The following LRP1 variants were observed in gnomAD, a reference collection of about 807,000 sequenced individuals.
The protein encoded by LRP1 is LDL receptor related protein 1, also known as prolow-density lipoprotein receptor-related protein 1.
Under a neutral mutation model 541.5 loss-of-function variants are expected in LRP1, and 51 were observed. The observed-to-expected ratio is 0.09, with a 90% CI of 0.08 to 0.12. The LOEUF is 0.12. Ranked by LOEUF, LRP1 falls within the 10% of genes least tolerant of loss-of-function variation. The probability of loss-of-function intolerance (pLI) is 1.00; values close to 1 mark genes in which losing one functional copy is unlikely to be tolerated. For missense variants in LRP1, 3,878 were observed against 6,376.2 expected, an observed-to-expected ratio of 0.61 and a Z score of 13.34; for synonymous variants, 2,219 against 2,470.8, an observed-to-expected ratio of 0.90 and a Z score of 3.02.
chr12:57,163,115 G>A, intron 15 of LRP1, 132 bp downstream of exon 15: 1 of 1,300,224 alleles, frequency 7.7e-7, no homozygotes, highest in South Asian at 1.6e-5. Context: ...GGGGCCAACA[G>A]GAAGCAAGGG....
intron 63 of LRP1, 81 bp downstream of exon 63, chr12:57,200,616 G>A (rs562361619): frequency 6.5e-7 from 1 of 1,546,718 alleles, no homozygotes; most frequent in East Asian, 2.2e-5. Context: ...GGCCACTGGA[G>A]AGGCTGGGGC....
Position 57,197,643 on chromosome 12 carries a change from C to G in LRP1, c.9261C>G (p.His3087Gln). 1 of 1,614,016 alleles carries G rather than the reference C, an allele frequency of 6.2e-7. No individual in the cohort carries two copies. The highest frequency in any genetic ancestry group is 2.2e-5 in the East Asian group (1 of 44,868). Residue 3087 changes from histidine to glutamine, a missense_variant, in exon 58 of 89, where the codon CAC (histidine) becomes CAG (glutamine). Physicochemically the swap from His to Gln is conservative, Grantham distance 24 (BLOSUM62 0). Around this residue, in one of 13 missense-constraint regions of LRP1, gnomAD observed 1,100 missense variants for 1,827.4 expected, o/e 0.60. Coordinates refer to ENST00000243077, the MANE Select transcript of LRP1 (RefSeq NM_002332.3). The surrounding 1 kb of genome is among the most constrained non-coding windows in gnomAD (Gnocchi z 4.5). Reference sequence around the variant, plus strand: ...AGGGCAGCATGATCCGAAGGATGCACCTTAACGGGAGCAATGTGCAGGTGA... The same window carrying G: ...AGGGCAGCATGATCCGAAGGATGCAGCTTAACGGGAGCAATGTGCAGGTGA... ...TTQGSMIRRM[H>Q]LNGSNVQVLH... is the part of the protein sequence containing the mutation.
chr12:57,176,939 G>A, intron 24 of LRP1, 102 bp from the exon 25 acceptor site: 1 of 953,870 alleles, frequency 1.0e-6, no homozygotes, highest in Non-Finnish European at 1.7e-6. Context: ...TTTGGCAGAA[G>A]TGCCAGGGTT....
Position 57,198,128 on chromosome 12 carries a change from GCT to G in LRP1, c.9283-24_9283-23del, listed in dbSNP as rs1399915731. ...CAGGTCCTCCCCCAGGTCACCCAGAGCTCTCCCTCCCCTGCCCCTTCCTGCAG... is the reference window on the plus strand; with the variant it reads ...CAGGTCCTCCCCCAGGTCACCCAGAGCTCCCTCCCCTGCCCCTTCCTGCAG... On this transcript the variant is annotated intron_variant, in intron 58 of 88. Coordinates refer to ENST00000243077, the MANE Select transcript of LRP1 (RefSeq NM_002332.3). 5 of 1,583,156 alleles carry G rather than the reference GCT, an allele frequency of 3.2e-6. No individual in the cohort carries two copies. The African/African-American group carries it at 6.7e-5, about 21-fold the overall frequency.
At chr12:57,174,288 G>A (rs1436360914) in intron 22 of LRP1, among the ~76,000 whole-genome samples, 1 of 152,190 alleles carries the variant, frequency 6.6e-6, no homozygotes, top group Non-Finnish European at 1.5e-5. Flanking sequence ...CCAGACTTGG[G>A]CCAAGGTAGT....
At position 57,185,591 on chromosome 12, in the gene LRP1, G is replaced by T; in HGVS notation, c.6524G>T (p.Arg2175Leu). 1 of 1,606,178 alleles carries T rather than the reference G, an allele frequency of 6.2e-7. No homozygotes were observed. Among genetic ancestry groups the T allele is most frequent in the Non-Finnish European group, 8.5e-7 (1 of 1,177,910 alleles). The part of the protein sequence containing the change: ...GCQQLCLYRG[R>L]GQRACACAHG... ...CAGCAGCTGTGCCTGTACCGGGGCC[G>T]TGGGCAGCGGGCCTGCGCCTGTGCC... The change falls in exon 41 of 89, where the codon CGT (arginine) becomes CTT (leucine). Residue 2175 changes from arginine (R) to leucine (L), a missense_variant. This residue lies in a region of LRP1 where 1,100 missense variants were observed against 1,827.4 expected (regional missense o/e 0.60). Transcript: ENST00000243077. This position sits in a 1 kb window ranked among gnomAD's most constrained non-coding sequence, Gnocchi z 4.9.
chr12:57,198,431 G>T (rs377269830), intron 59 of LRP1, 34 bp from the exon 60 acceptor site: 17 of 1,609,278 alleles, frequency 1.1e-5, no homozygotes, highest in Non-Finnish European at 1.4e-5. Context: ...TGGGTTACGG[G>T]ATCTCCCAGG....
At chr12:57,191,626 A>G in intron 44 of LRP1, 114 bp downstream of exon 44, 1 of 886,026 alleles carries the variant, frequency 1.1e-6, no homozygotes, top group Admixed American at 2.8e-5. Flanking sequence ...CATACCACAC[A>G]CACACATCCC....
rs2036126088 is a variant in LRP1, at chr12:57,179,862, C to A, written c.5047C>A (p.Gln1683Lys). ...GACAAGCTATGACACCAATAAGAAG[C>A]AGATCAATGTGGCCCGGCTGGATGG... The part of the protein sequence containing the change: ...FWTSYDTNKK[Q>K]INVARLDGSF... Residue 1683 changes from glutamine to lysine, a missense_variant, in exon 30 of 89, where the codon CAG (glutamine) becomes AAG (lysine). Gln to Lys is a moderately conservative substitution (Grantham distance 53). Around this residue, in one of 13 missense-constraint regions of LRP1, gnomAD observed 394 missense variants for 635.9 expected, o/e 0.62. Coordinates refer to ENST00000243077, the MANE Select transcript of LRP1 (RefSeq NM_002332.3). This position sits in a 1 kb window ranked among gnomAD's most constrained non-coding sequence, Gnocchi z 6.8. 23 of 1,614,178 alleles carry A rather than the reference C, an allele frequency of 1.4e-5. No individual in the cohort carries two copies. The highest frequency in any genetic ancestry group is 1.9e-5 in the Non-Finnish European group (23 of 1,180,040).
In LRP1 at chr12:57,162,475, C is replaced by A. The variant is rs1251795738; in HGVS notation, c.2361C>A (p.Pro787=). 6.8e-6 allele frequency: 11 copies of A among 1,613,950 alleles called. No individual in the cohort carries two copies. In the African/African-American group the frequency reaches 1.5e-4, roughly 22 times the overall value. ...PTVTLLRSER[P]PIFEIRMYDA... ...TGACCCTTCTGCGCAGTGAGCGGCC[C>A]CCCATCTTTGAGATCCGAATGTATG... Residue 787 remains proline (P), a synonymous_variant, in exon 14 of 89, where the codon CCC becomes CCA. Coordinates refer to ENST00000243077, the MANE Select transcript of LRP1 (RefSeq NM_002332.3). The surrounding 1 kb of genome is among the most constrained non-coding windows in gnomAD (Gnocchi z 5.2).
At chr12:57,142,303 T>G (rs1028782124) in intron 3 of LRP1, among the ~76,000 whole-genome samples, 3 of 152,198 alleles carry the variant, frequency 2.0e-5, no homozygotes, top group African/African-American at 7.2e-5. Context: ...GAGGCCAGCT[T>G]TGAGAGGCCA....
rs138319727 is a variant in LRP1, at chr12:57,165,932, C to A, written c.2658C>A (p.Ala886=). The A allele has an allele frequency of 1.9e-6, 3 of 1,614,004 alleles. No individual in the cohort carries two copies. The African/African-American group carries it at 4.0e-5, about 22-fold the overall frequency. Residue 886 remains alanine (A), a synonymous_variant, in exon 16 of 89, where the codon GCC becomes GCA. Coordinates refer to ENST00000243077, the MANE Select transcript of LRP1 (RefSeq NM_002332.3). This position sits in a 1 kb window ranked among gnomAD's most constrained non-coding sequence, Gnocchi z 4.5. ...DNDCLDNSDE[A]PALCHQHTCP... Reference sequence around the variant, plus strand: ...ATTGCCTGGACAACAGTGATGAGGCCCCAGCCCTCTGCCGTGAGTCACACG... The same window carrying A: ...ATTGCCTGGACAACAGTGATGAGGCACCAGCCCTCTGCCGTGAGTCACACG...
Position 57,178,221 on chromosome 12 carries a change from C to A in LRP1, c.4362-138C>A. 1 of 1,022,294 alleles carries A rather than the reference C, an allele frequency of 9.8e-7. No individual in the cohort carries two copies. The highest frequency in any genetic ancestry group is 2.6e-5 in the East Asian group (1 of 38,330). 63.3% of individuals were successfully genotyped at this position (1,022,294 alleles called of 1,614,324 possible). A position where few individuals can be genotyped will look rare whatever the true frequency, so the allele number is the denominator to read the frequency against. Reference sequence around the variant, plus strand: ...CCTTCTGTCTGTCTGCTCTGGCCAGCAAGGCTTAGGGGAGGGAATGGTCCC... The same window carrying A: ...CCTTCTGTCTGTCTGCTCTGGCCAGAAAGGCTTAGGGGAGGGAATGGTCCC... On this transcript the variant is annotated intron_variant, in intron 26 of 88. Coordinates refer to ENST00000243077, the MANE Select transcript of LRP1 (RefSeq NM_002332.3). This position sits in a 1 kb window ranked among gnomAD's most constrained non-coding sequence, Gnocchi z 5.8.
intron 42 of LRP1, among the ~76,000 whole-genome samples, chr12:57,190,001 A>G (rs2036345496): frequency 6.6e-6 from 1 of 152,084 alleles, no homozygotes; most frequent in South Asian, 2.1e-4. Flanking sequence ...GCACCACCCC[A>G]CAAGGAGCAC....
intron 1 of LRP1, among the ~76,000 whole-genome samples, chr12:57,135,119 A>AC (rs528300906): frequency 1.9e-4 from 29 of 152,268 alleles, no homozygotes; most frequent in South Asian, 1.5e-3. Flanking sequence ...CCGCAAGGGC[A>AC]CCCACCTCAC....
chr12:57,141,551 A>G, intron 3 of LRP1, 40 bp downstream of exon 3: 6 of 1,613,268 alleles, frequency 3.7e-6, no homozygotes, highest in Non-Finnish European at 5.1e-6. Context: ...GTCTGGATGC[A>G]GCATATTATC....
chr12:57,163,792 A>G (rs948267075), intron 15 of LRP1, among the ~76,000 whole-genome samples: 1 of 152,252 alleles, frequency 6.6e-6, no homozygotes, highest in African/African-American at 2.4e-5. Context: ...TTTCGGTTCA[A>G]GTGTCACAGC....
Position 57,196,124 on chromosome 12 carries a change from C to T in LRP1, c.8739C>T (p.Ser2913=), listed in dbSNP as rs2036527263. The change falls in exon 55 of 89, where the codon AGC becomes AGT. Residue 2913 remains serine (S), a synonymous_variant. Transcript: ENST00000243077. The stretch of plus-strand genomic sequence containing the variant: ...ATGCCTCGTCACAGTTCCTGTGCAG[C>T]AGTGGGCGCTGTGTGGCTGAGGCAC... ...KCNASSQFLC[S]SGRCVAEALL... 6.2e-7 allele frequency: 1 copy of T among 1,608,988 alleles called. No individual in the cohort carries two copies. The highest frequency in any genetic ancestry group is 8.5e-7 in the Non-Finnish European group (1 of 1,176,298).
intron 24 of LRP1, 67 bp downstream of exon 24, chr12:57,176,173 T>C: frequency 6.6e-7 from 1 of 1,523,840 alleles, no homozygotes; most frequent in Non-Finnish European, 9.0e-7. Context: ...GGGCCACAGG[T>C]CCCATCCAAG....
Sources: gnomAD v4.1 joint callset for allele counts (sites outside exome capture counted in the v4.1 genomes callset) on GRCh38, gnomAD v4.1.1 for gene constraint, gnomAD v4.1.1 regional missense constraint, Gnocchi (gnomAD v3.1) non-coding constraint, MANE v1.5 for transcripts, NCBI Gene and HGNC (gene_info 2026-07-23, HGNC 2026-07-21) for gene names.